The following RP1 variants were observed in gnomAD, a reference collection of about 807,000 sequenced individuals.
The protein encoded by RP1 is oxygen-regulated protein 1.
Under a neutral mutation model 14.8 loss-of-function variants are expected in RP1, and 16 were observed. The observed-to-expected ratio is 1.08, with a 90% CI of 0.73 to 1.65. The LOEUF (loss-of-function observed/expected upper bound fraction) is 1.65. Ranked by LOEUF, RP1 falls within the 40% of genes most tolerant of loss-of-function variation. RP1 has a pLI of 0.00. For missense variants in RP1, 2,631 were observed against 2,535.0 expected (o/e 1.04, Z -0.81); for synonymous variants, 876 against 883.6 (o/e 0.99, Z 0.15).
intron 26 of RP1, among the ~76,000 whole-genome samples, chr8:54,854,052 A>G (rs1812129950): frequency 6.6e-6 from 1 of 152,158 alleles, no homozygotes; most frequent in African/African-American, 2.4e-5. Flanking sequence ...TACTATGTTC[A>G]GGGACTCAGT....
At chr8:54,735,040 G>A (rs991598941) in intron 18 of RP1, among the ~76,000 whole-genome samples, 1 of 151,858 alleles carries the variant, frequency 6.6e-6, no homozygotes, top group African/African-American at 2.4e-5. Context: ...ATTTATAACC[G>A]GCTTATAAGC....
Position 54,763,578 on chromosome 8 carries a change from G to C in RP1, c.3248+4502G>C, listed in dbSNP as rs541453071. Among the ~76,000 whole-genome samples the C allele has an allele frequency of 2.6e-5, 4 of 152,314 alleles. 1 individual carries two copies. The South Asian group carries it at 8.3e-4, about 32-fold the overall frequency. On this transcript the variant is annotated intron_variant, in intron 22 of 22. Coordinates refer to the RP1 transcript ENST00000636932. ...GCCTGTAATCCCAGCTACTCGGGAG[G>C]CTGAGGCAGGAGAATTGCTTGAACC...
At chr8:54,684,223 T>C (rs915480216) in intron 12 of RP1, among the ~76,000 whole-genome samples, 1 of 152,184 alleles carries the variant, frequency 6.6e-6, no homozygotes, top group Non-Finnish European at 1.5e-5. Context: ...CAGGATTTTA[T>C]TGACGATTTT....
intron 1 of RP1, among the ~76,000 whole-genome samples, chr8:54,582,148 C>T (rs1302632260): frequency 9.2e-5 from 14 of 152,130 alleles, no homozygotes; most frequent in Non-Finnish European, 1.6e-4. Context: ...CTAACATTTA[C>T]GTCTTTAATC....
chr8:54,743,408 C>T (rs1292173447), intron 19 of RP1, among the ~76,000 whole-genome samples: 1 of 152,114 alleles, frequency 6.6e-6, no homozygotes, highest in African/African-American at 2.4e-5. Flanking sequence ...GTGATGGTGG[C>T]CAAATGGTGA....
chr8:54,735,586 T>C (rs1185128888), intron 18 of RP1, among the ~76,000 whole-genome samples: 1 of 152,198 alleles, frequency 6.6e-6, no homozygotes, highest in Non-Finnish European at 1.5e-5. Context: ...CAATCACTAA[T>C]ACTCAAATGG....
chr8:54,752,007 T>C (rs1809383233), intron 19 of RP1, among the ~76,000 whole-genome samples: 1 of 152,124 alleles, frequency 6.6e-6, no homozygotes, highest in Non-Finnish European at 1.5e-5. Context: ...TTCTTGCCAA[T>C]TTGCATGGAG....
At chr8:54,698,364 G>A (rs1016529338) in intron 12 of RP1, among the ~76,000 whole-genome samples, 7 of 152,124 alleles carry the variant, frequency 4.6e-5, no homozygotes, top group African/African-American at 7.2e-5. Flanking sequence ...TTAGAATGAC[G>A]ATCATTAAAA....
At chr8:54,717,449 G>C (rs967113156) in intron 15 of RP1, among the ~76,000 whole-genome samples, 1 of 152,086 alleles carries the variant, frequency 6.6e-6, no homozygotes, top group African/African-American at 2.4e-5. Context: ...AGGTGATGGG[G>C]CCTAAAATCT....
At position 54,625,631 on chromosome 8, in the gene RP1, T is replaced by C; in HGVS notation, c.1749T>C (p.Cys583=). ...TTGTGGAGGAAGATGTAGTTGATTG[T>C]GTGGTATTGGACAACAAAACTGGTA... is the stretch of plus-strand genomic sequence containing the variant. ...NSIVEEDVVD[C]VVLDNKTGIK... is the part of the protein sequence containing the mutation. Residue 583 remains cysteine (C), a synonymous_variant, in exon 4 of 4, where the codon TGT becomes TGC. Coordinates refer to ENST00000220676, the MANE Select transcript of RP1 (RefSeq NM_006269.2). The C allele has an allele frequency of 6.2e-7, 1 of 1,614,136 alleles. No individual in the cohort carries two copies. Among genetic ancestry groups the C allele is most frequent in the Non-Finnish European group, 8.5e-7 (1 of 1,180,010 alleles).
At chr8:54,670,099 T>G (rs1336673555) in intron 7 of RP1, among the ~76,000 whole-genome samples, 1 of 152,104 alleles carries the variant, frequency 6.6e-6, no homozygotes, top group Non-Finnish European at 1.5e-5. Context: ...ATGTGAATAT[T>G]TCAGTCACCT....
intron 19 of RP1, among the ~76,000 whole-genome samples, chr8:54,744,519 T>C (rs887410335): frequency 1.3e-5 from 2 of 152,264 alleles, no homozygotes; most frequent in Non-Finnish European, 2.9e-5. Flanking sequence ...TTACATAGAC[T>C]GGAATTTGTC....
At chr8:54,740,262 A>G (rs1013402945) in intron 19 of RP1, among the ~76,000 whole-genome samples, 1 of 151,184 alleles carries the variant, frequency 6.6e-6, no homozygotes, top group Non-Finnish European at 1.5e-5. Flanking sequence ...TGACAGCTTC[A>G]TGCATGTTGT....
intron 19 of RP1, among the ~76,000 whole-genome samples, chr8:54,749,186 C>T (rs1193679482): frequency 6.6e-6 from 1 of 151,890 alleles, no homozygotes; most frequent in Non-Finnish European, 1.5e-5. Flanking sequence ...AAAAAATTAG[C>T]CAGGCGTGGT....
At chr8:54,841,754 G>A (rs2129404745) in intron 25 of RP1, among the ~76,000 whole-genome samples, 1 of 152,296 alleles carries the variant, frequency 6.6e-6, no homozygotes, top group African/African-American at 2.4e-5. Context: ...GCCTGGCAGT[G>A]ATGCTTAGGG....
rs774428356 is a variant in RP1, at chr8:54,627,987, C to T, written c.4105C>T (p.Gln1369Ter). The change falls in exon 4 of 4, where the codon CAG becomes TAG. Residue 1369 changes from glutamine (Q) to a stop codon, truncating the protein, a stop_gained. Coordinates refer to ENST00000220676, the MANE Select transcript of RP1 (RefSeq NM_006269.2). LOFTEE classifies it low-confidence loss of function (END_TRUNC). ...TEELERGDDI[Q>*]KDLNILTDPE... ...AGAGTTAGAAAGAGGTGATGACATTCAGAAAGATCTAAATATTTTGACAGA... is the reference window on the plus strand; with the variant it reads ...AGAGTTAGAAAGAGGTGATGACATTTAGAAAGATCTAAATATTTTGACAGA... The T allele has an allele frequency of 1.2e-6, 2 of 1,613,822 alleles. No homozygotes were observed. The highest frequency in any genetic ancestry group is 1.7e-5 in the Admixed American group (1 of 59,992).
chr8:54,802,177 A>G (rs991284364), intron 24 of RP1, among the ~76,000 whole-genome samples: 6 of 152,198 alleles, frequency 3.9e-5, no homozygotes, highest in Admixed American at 3.3e-4. Context: ...TAAATAATAT[A>G]GACTGTAAAA....
At chr8:54,764,378 G>A (rs769554576) in intron 22 of RP1, among the ~76,000 whole-genome samples, 3 of 152,232 alleles carry the variant, frequency 2.0e-5, no homozygotes, top group African/African-American at 4.8e-5. Flanking sequence ...TGGCCATTCC[G>A]TGGTGCCTGG....
rs58007600 is a variant in RP1, at chr8:54,812,762, C to CATCTATCTATCTATCT, written c.3616-24655_3616-24640dup. 1.1e-3 allele frequency among the ~76,000 whole-genome samples: 153 copies of CATCTATCTATCTATCT among 145,272 alleles called. 1 individual carries two copies. Among genetic ancestry groups the CATCTATCTATCTATCT allele is most frequent in the South Asian group, 1.8e-3 (8 of 4,474 alleles). ...TCTATGTATCCATGTATCTATCTAT[C>CATCTATCTATCTATCT]ATCTATCTATCTATCTATCTATCTA... On this transcript the variant is annotated intron_variant, in intron 24 of 28. Coordinates refer to the RP1 transcript ENST00000637698.
Sources: allele counts gnomAD v4.1 joint callset (sites outside exome capture counted in the v4.1 genomes callset), GRCh38; gene constraint gnomAD v4.1.1; transcripts MANE v1.5; gene names NCBI Gene and HGNC (gene_info 2026-07-23, HGNC 2026-07-21).